The following MLLT3 variants were observed in gnomAD, a reference collection of about 807,000 sequenced individuals.
The protein encoded by MLLT3 is protein AF-9.
MLLT3 carries 4 observed loss-of-function variants against 53.2 expected under a neutral mutation model. The observed-to-expected ratio is 0.08, with a 90% CI of 0.04 to 0.17. The LOEUF is 0.17. Ranked by LOEUF, MLLT3 falls within the 10% of genes least tolerant of loss-of-function variation. MLLT3 has a pLI of 1.00. For missense variants in MLLT3, 569 were observed against 684.0 expected (o/e 0.83, Z 1.87); for synonymous variants, 283 against 230.6 (o/e 1.23, Z -2.06).
chr9:20,608,552 C>G (rs1820625350), intron 2 of MLLT3, among the ~76,000 whole-genome samples: 1 of 151,784 alleles, frequency 6.6e-6, no homozygotes, highest in African/African-American at 2.4e-5. Flanking sequence ...AAGGTAAGAA[C>G]GTTATCTACA....
In MLLT3 at chr9:20,620,794, T is replaced by C; in HGVS notation, c.53A>G (p.Gln18Arg). 4 of 1,614,084 alleles carry C rather than the reference T, an allele frequency of 2.5e-6. No homozygotes were observed. The highest frequency in any genetic ancestry group is 3.4e-6 in the Non-Finnish European group (4 of 1,180,000). ...QVKLELGHRA[Q>R]VRKKPTVEGF... ...CTCCACGGTGGGTTTTTTCCTCACC[T>C]GGGCGCGGTGCCCCAGCTCCAGCTT... Residue 18 changes from glutamine to arginine, a missense_variant, in exon 2 of 11, where the codon CAG (glutamine) becomes CGG (arginine). Physicochemically the swap from Gln to Arg is conservative, Grantham distance 43. Coordinates refer to ENST00000380338, the MANE Select transcript of MLLT3 (RefSeq NM_004529.4). This position sits in a 1 kb window ranked among gnomAD's most constrained non-coding sequence, Gnocchi z 6.1.
At chr9:20,384,158 G>A (rs1475197500) in intron 5 of MLLT3, among the ~76,000 whole-genome samples, 5 of 151,962 alleles carry the variant, frequency 3.3e-5, no homozygotes, top group Non-Finnish European at 7.4e-5. Context: ...TCTGCCACAT[G>A]TTAACTTGTC....
chr9:20,562,737 A>G (rs930126641), intron 2 of MLLT3, among the ~76,000 whole-genome samples: 4 of 152,194 alleles, frequency 2.6e-5, no homozygotes, highest in African/African-American at 9.6e-5. Flanking sequence ...AGAAGACACT[A>G]TTCTTAAGAA....
chr9:20,617,310 G>A (rs1587137026), intron 2 of MLLT3, among the ~76,000 whole-genome samples: 1 of 152,246 alleles, frequency 6.6e-6, no homozygotes, highest in East Asian at 1.9e-4. Context: ...AAACTATGCA[G>A]TAAAGCTGGC....
At chr9:20,439,138 G>C (rs1437119387) in intron 4 of MLLT3, among the ~76,000 whole-genome samples, 1 of 152,068 alleles carries the variant, frequency 6.6e-6, no homozygotes, top group Non-Finnish European at 1.5e-5. Flanking sequence ...CAGATCATTT[G>C]AGGTCAGGAG....
chr9:20,544,702 T>G (rs1818740062), intron 2 of MLLT3, among the ~76,000 whole-genome samples: 1 of 152,182 alleles, frequency 6.6e-6, no homozygotes, highest in Non-Finnish European at 1.5e-5. Flanking sequence ...AAACTAGAAT[T>G]ACCATAGGAT....
intron 3 of MLLT3, among the ~76,000 whole-genome samples, chr9:20,449,796 C>T (rs1165570359): frequency 6.6e-6 from 1 of 152,194 alleles, no homozygotes; most frequent in African/African-American, 2.4e-5. Flanking sequence ...ATGCCATTCT[C>T]TCCTGGTTTT....
chr9:20,349,390 C>A (rs1820955010), intron 10 of MLLT3, among the ~76,000 whole-genome samples: 1 of 152,124 alleles, frequency 6.6e-6, no homozygotes, highest in Non-Finnish European at 1.5e-5. Flanking sequence ...CCTTAATTAT[C>A]TGGGAGGTGA....
chr9:20,545,863 A>G (rs1471613750), intron 2 of MLLT3, among the ~76,000 whole-genome samples: 2 of 144,836 alleles, frequency 1.4e-5, no homozygotes, highest in Admixed American at 1.5e-4. Flanking sequence ...TACCAAAAAA[A>G]AAAAAAAAAA....
chr9:20,415,067 G>C (rs1177287481), intron 4 of MLLT3, among the ~76,000 whole-genome samples: 5 of 152,082 alleles, frequency 3.3e-5, no homozygotes, highest in Admixed American at 3.3e-4. Context: ...AGTAAGGTCA[G>C]ATTACATTAA....
intron 2 of MLLT3, chr9:20,533,048 G>C (rs1297976636): frequency 7.6e-6 from 2 of 261,732 alleles, no homozygotes; most frequent in Non-Finnish European, 1.5e-5. Context: ...ATCCCATTGA[G>C]CTGGCTGTCT....
intron 2 of MLLT3, among the ~76,000 whole-genome samples, chr9:20,544,784 C>A (rs1344771267): frequency 3.3e-5 from 5 of 152,124 alleles, no homozygotes; most frequent in Non-Finnish European, 2.9e-5. Context: ...TTTGTACCCC[C>A]ACGTTCAATG....
chr9:20,555,503 T>A (rs1819034376), intron 2 of MLLT3, among the ~76,000 whole-genome samples: 2 of 152,186 alleles, frequency 1.3e-5, no homozygotes, highest in African/African-American at 4.8e-5. Context: ...AAAATCTCAC[T>A]ACTCTACTAC....
chr9:20,362,189 C>T (rs1821339819), intron 7 of MLLT3, among the ~76,000 whole-genome samples: 1 of 152,170 alleles, frequency 6.6e-6, no homozygotes, highest in African/African-American at 2.4e-5. Flanking sequence ...AAGCAGCCCC[C>T]AAAATGTGTA....
chr9:20,480,275 C>A (rs1423029723), intron 2 of MLLT3, among the ~76,000 whole-genome samples: 1 of 152,140 alleles, frequency 6.6e-6, no homozygotes, highest in Non-Finnish European at 1.5e-5. Context: ...GCTTCCTGAG[C>A]CTTTCTATTT....
intron 7 of MLLT3, among the ~76,000 whole-genome samples, chr9:20,362,417 G>T (rs1821346747): frequency 6.6e-6 from 1 of 152,190 alleles, no homozygotes; most frequent in Non-Finnish European, 1.5e-5. Context: ...TTAAGTTTCA[G>T]TCCATTTTGA....
chr9:20,376,203 C>T (rs1821761103), intron 5 of MLLT3, among the ~76,000 whole-genome samples: 1 of 152,154 alleles, frequency 6.6e-6, no homozygotes. Flanking sequence ...TAGACACCTA[C>T]TCAAGTCTGT....
Position 20,414,243 on chromosome 9 carries a change from C to T in MLLT3, c.603G>A (p.Lys201=), listed in dbSNP as rs767002006. ...TSFSKPHKLM[K]EHKEKPSKDS... is the part of the protein sequence containing the mutation. The stretch of plus-strand genomic sequence containing the variant: ...CTTTAGAAGGTTTTTCCTTGTGCTC[C>T]TTCATTAATTTGTGAGGCTTTGAAA... The change falls in exon 5 of 11, where the codon AAG becomes AAA. Residue 201 remains lysine, a synonymous_variant. Transcript: ENST00000380338. The T allele has an allele frequency of 1.2e-6, 2 of 1,613,806 alleles. No homozygotes were observed. Among genetic ancestry groups the T allele is most frequent in the East Asian group, 2.2e-5 (1 of 44,866 alleles).
At chr9:20,559,011 A>G (rs1266029562) in intron 2 of MLLT3, among the ~76,000 whole-genome samples, 1 of 152,178 alleles carries the variant, frequency 6.6e-6, no homozygotes, top group Non-Finnish European at 1.5e-5. Context: ...TGATGAGGGT[A>G]GACTGTAGCA....
Sources: allele counts gnomAD v4.1 joint callset (sites outside exome capture counted in the v4.1 genomes callset), GRCh38; gene constraint gnomAD v4.1.1; non-coding constraint Gnocchi (gnomAD v3.1); transcripts MANE v1.5; gene names NCBI Gene and HGNC (gene_info 2026-07-23, HGNC 2026-07-21).